The following STX5 variants were observed in gnomAD, a reference collection of about 807,000 sequenced individuals.
The protein encoded by STX5 is syntaxin 5.
In STX5, 15 loss-of-function variants were observed where a neutral mutation model predicts 42.9. That is an observed-to-expected ratio of 0.35 (90% CI 0.23 to 0.54). STX5 has a LOEUF of 0.54. Ranked by LOEUF, STX5 falls within the 20% of genes least tolerant of loss-of-function variation. STX5 has a pLI of 0.91. For missense variants in STX5, 430 were observed against 455.0 expected (o/e 0.95, Z 0.50); for synonymous variants, 184 against 173.2 (o/e 1.06, Z -0.49).
chr11:62,815,819 G>C (rs1006053420), intron 10 of STX5: 1 of 152,090 alleles, frequency 6.6e-6, no homozygotes, highest in Non-Finnish European at 1.5e-5. Flanking sequence ...TTACAGGTGT[G>C]AGCCACCGCG....
intron 10 of STX5, among the ~76,000 whole-genome samples, chr11:62,820,520 C>CTT (rs374794905): frequency 1.4e-4 from 19 of 140,688 alleles, no homozygotes; most frequent in African/African-American, 2.9e-4. Flanking sequence ...TTTTCTTTTT[C>CTT]TTTTTTTTTT....
rs2084825248 is a variant in STX5, at chr11:62,828,937, G to A, written c.226-1306C>T. ...AAAATTAGCTGGGTGTCCTGGCACC[G>A]CCTGTATTCCCAGCTACTTGGGAGG... On this transcript the variant is annotated intron_variant, in intron 2 of 10. Coordinates refer to ENST00000294179, the MANE Select transcript of STX5 (RefSeq NM_003164.5). 2.0e-5 allele frequency among the ~76,000 whole-genome samples: 3 copies of A among 151,846 alleles called. No homozygotes were observed. In the South Asian group the frequency reaches 6.2e-4, roughly 32 times the overall value.
At chr11:62,815,764 T>A (rs1210839686) in intron 10 of STX5, among the ~76,000 whole-genome samples, 1 of 151,860 alleles carries the variant, frequency 6.6e-6, no homozygotes, top group African/African-American at 2.4e-5. Context: ...CTCAAACTCC[T>A]GACCTCAGGT....
intron 7 of STX5, 52 bp downstream of exon 7, chr11:62,825,231 T>G: frequency 6.2e-7 from 1 of 1,613,142 alleles, no homozygotes; most frequent in Non-Finnish European, 8.5e-7. Flanking sequence ...TTCATTTCCC[T>G]CTTGGATCTT....
chr11:62,814,191 G>A (rs2084647964), intron 10 of STX5, among the ~76,000 whole-genome samples: 2 of 152,130 alleles, frequency 1.3e-5, no homozygotes, highest in South Asian at 4.1e-4. Context: ...TTGAGATGGA[G>A]TTTCGCTCTT....
chr11:62,828,241 A>G (rs1199145655), intron 2 of STX5, among the ~76,000 whole-genome samples: 1 of 151,934 alleles, frequency 6.6e-6, no homozygotes, highest in Non-Finnish European at 1.5e-5. Context: ...CAGCCTCCCA[A>G]GTAGCTGGGA....
chr11:62,831,347 C>T, intron 1 of STX5, 85 bp from the exon 2 acceptor site: 1 of 1,030,310 alleles, frequency 9.7e-7, no homozygotes. Context: ...AATCCCCGAG[C>T]CCCTTCTGCA....
chr11:62,830,501 T>G (rs184854380), intron 2 of STX5: 283 of 455,572 alleles, frequency 6.2e-4, no homozygotes, highest in Non-Finnish European at 1.1e-3. Flanking sequence ...TGAGCTATCA[T>G]CACACCACTA....
rs1435106421 is a variant in STX5, at chr11:62,827,210, G to C, written c.368C>G (p.Ser123Cys). The C allele has an allele frequency of 6.2e-7, 1 of 1,614,166 alleles. No homozygotes were observed. ...EKLTILAKRK[S>C]LFDDKAVEIE... ...TTCCACTGCTTTATCATCAAAGAGGGACTTGCGCTTTGCCACTACAGAGAC... is the reference window on the plus strand; with the variant it reads ...TTCCACTGCTTTATCATCAAAGAGGCACTTGCGCTTTGCCACTACAGAGAC... Residue 123 changes from serine to cysteine, a missense_variant, in exon 5 of 11, where the codon TCC becomes TGC. Transcript: ENST00000294179.
At chr11:62,827,717 A>G in intron 2 of STX5, 86 bp from the exon 3 acceptor site, 1 of 1,363,676 alleles carries the variant, frequency 7.3e-7, no homozygotes, top group South Asian at 1.2e-5. Flanking sequence ...CCACTAACCT[A>G]TCTCTAGTGC....
chr11:62,807,667 C>A lies in STX5; in HGVS notation c.909-39G>T, dbSNP rs367833671. 13 of 1,610,778 alleles carry A rather than the reference C, an allele frequency of 8.1e-6. No homozygotes were observed. In the African/African-American group the frequency reaches 1.7e-4, roughly 22 times the overall value. On this transcript the variant is annotated intron_variant, in intron 10 of 10. Coordinates refer to ENST00000294179, the MANE Select transcript of STX5 (RefSeq NM_003164.5). ...CGGGAGAAGAGGAAACAAAAGGACA[C>A]TGGATTAAAAAGAATGCTGTTGAAG...
intron 10 of STX5, among the ~76,000 whole-genome samples, chr11:62,821,977 G>A (rs906367413): frequency 6.6e-6 from 1 of 152,012 alleles, no homozygotes; most frequent in African/African-American, 2.4e-5. Context: ...AGTGGGCCGA[G>A]ATTCTGCCAC....
intron 5 of STX5, among the ~76,000 whole-genome samples, chr11:62,825,828 A>G (rs771759075): frequency 3.3e-5 from 5 of 152,202 alleles, no homozygotes; most frequent in Non-Finnish European, 5.9e-5. Context: ...CTGTGAGGCC[A>G]TGCTCTTGGC....
chr11:62,825,435 C>T lies in STX5; in HGVS notation c.528G>A (p.Val176=), dbSNP rs2084784351. The T allele has an allele frequency of 6.2e-7, 1 of 1,614,022 alleles. No individual in the cohort carries two copies. The highest frequency in any genetic ancestry group is 8.5e-7 in the Non-Finnish European group (1 of 1,180,034). Residue 176 remains valine (V), a synonymous_variant, in exon 6 of 11, where the codon GTG becomes GTA. Coordinates refer to ENST00000294179, the MANE Select transcript of STX5 (RefSeq NM_003164.5). ...CCCCAGGTCCCACCTGCAAGGAGAC[C>T]ACAATGGTGTTGGAGTGGGTCTGCA... ...RHLQTHSNTI[V]VSLQSKLASM... is the part of the protein sequence containing the mutation.
intron 10 of STX5, among the ~76,000 whole-genome samples, chr11:62,821,223 A>C (rs1168440739): frequency 1.3e-5 from 2 of 150,992 alleles, no homozygotes; most frequent in Non-Finnish European, 3.0e-5. Flanking sequence ...CAGGAGAATT[A>C]CTTGAACCTG....
At chr11:62,828,110 T>G (rs1204238241) in intron 2 of STX5, among the ~76,000 whole-genome samples, 1 of 151,390 alleles carries the variant, frequency 6.6e-6, no homozygotes. Context: ...TGAAAAACAC[T>G]TCTTTATAAC....
At chr11:62,808,569 T>G (rs2084579577) in intron 10 of STX5, among the ~76,000 whole-genome samples, 1 of 152,064 alleles carries the variant, frequency 6.6e-6, no homozygotes. Flanking sequence ...AACAACATGG[T>G]AAGACACTTG....
At position 62,818,860 on chromosome 11, in the gene STX5, A is replaced by G. The variant is rs1314632987; in HGVS notation, c.908+5306T>C. On this transcript the variant is annotated intron_variant, in intron 10 of 10. Transcript: ENST00000294179. ...CCCTGTCTCAGGAAAAAATAAATAA[A>G]AAGTTAAAAAAAAGAAAAAACAACT... Among the ~76,000 whole-genome samples the G allele has an allele frequency of 4.0e-5, 6 of 151,478 alleles. No individual in the cohort carries two copies. The East Asian group carries it at 1.2e-3, about 29-fold the overall frequency.
intron 10 of STX5, among the ~76,000 whole-genome samples, chr11:62,812,595 A>AT (rs1423779796): frequency 5.3e-5 from 8 of 149,978 alleles, no homozygotes; most frequent in Non-Finnish European, 8.9e-5. Flanking sequence ...ATTTTTTTGT[A>AT]TTTTTTTTAG....
Sources: gnomAD v4.1 joint callset for allele counts (sites outside exome capture counted in the v4.1 genomes callset) on GRCh38, gnomAD v4.1.1 for gene constraint, MANE v1.5 for transcripts, NCBI Gene and HGNC (gene_info 2026-07-23, HGNC 2026-07-21) for gene names.